Variants in KLHL4 observed in about 807,000 individuals in gnomAD.
KLHL4 encodes kelch like family member 4.
In KLHL4, 17 loss-of-function variants were observed where a neutral mutation model predicts 45.8. That is an observed-to-expected ratio of 0.37 (90% CI 0.25 to 0.56). The LOEUF is 0.56. Among genes scored for constraint, KLHL4 ranks in the 20% least tolerant of loss-of-function variants. KLHL4 has a pLI of 0.79. For synonymous variants in KLHL4, 224 were observed against 189.9 expected (o/e 1.18, Z -1.47); for missense variants, 544 against 544.9 (o/e 1.00, Z 0.02).
At chrX:87,557,145 A>G (rs1383467538) in intron 1 of KLHL4, among the ~76,000 whole-genome samples, 1 of 112,313 alleles carries the variant, frequency 8.9e-6, no homozygotes, top group African/African-American at 3.2e-5. Context: ...GTGACTGAAA[A>G]GCAGCAATTC....
chrX:87,583,379 G>A (rs766212597), intron 1 of KLHL4, among the ~76,000 whole-genome samples: 6 of 112,179 alleles, frequency 5.3e-5, no homozygotes, highest in Admixed American at 3.7e-4. Flanking sequence ...AGGCCACGTA[G>A]CACAGCTTGC....
chrX:87,530,942 G>C (rs1304816809), intron 1 of KLHL4, among the ~76,000 whole-genome samples: 1 of 110,810 alleles, frequency 9.0e-6, no homozygotes, highest in East Asian at 2.9e-4. Flanking sequence ...GTTGTTTCCT[G>C]ACTTTTTAAT....
At position 87,635,790 on chromosome X, in the gene KLHL4, T is replaced by C; in HGVS notation, c.1925+15T>C. 9.2e-7 allele frequency: 1 copy of C among 1,085,555 alleles called. No homozygotes were observed. The highest frequency in any genetic ancestry group is 1.2e-6 in the Non-Finnish European group (1 of 808,987). The allele number at this position is 1,085,555 out of a possible 1,213,427, so 89.5% of individuals were successfully genotyped here. A position where few individuals can be genotyped will look rare whatever the true frequency, so the allele number is the denominator to read the frequency against. On this transcript the variant is annotated intron_variant, in intron 9 of 10. Transcript: ENST00000373119. ...TGTGTGGAACGGTAAGTTTTTTCTA[T>C]TTCCTTCTGTATGTAATTATTTGGT...
rs1166888537 is a variant in KLHL4 at position 87,655,292 on chromosome X, G to A, written c.1926-9472G>A. Among the ~76,000 whole-genome samples, 3 of 111,832 alleles carry A rather than the reference G, an allele frequency of 2.7e-5. No homozygotes were observed. The East Asian group carries it at 8.4e-4, about 31-fold the overall frequency. On this transcript the variant is annotated intron_variant, in intron 9 of 10. Transcript: ENST00000373119. ...TGCCTAGTGCTGTCAGTGGGATGTT[G>A]AAGTACCCCACTATTATTGCATTGC...
chrX:87,538,675 C>T (rs1374654671), intron 1 of KLHL4, among the ~76,000 whole-genome samples: 1 of 111,220 alleles, frequency 9.0e-6, no homozygotes, highest in Non-Finnish European at 1.9e-5. Flanking sequence ...GTGGCAAGAT[C>T]TAAAGAAAAG....
At chrX:87,581,052 C>T (rs1921260185) in intron 1 of KLHL4, among the ~76,000 whole-genome samples, 1 of 112,311 alleles carries the variant, frequency 8.9e-6, no homozygotes, top group African/African-American at 3.2e-5. Context: ...CCCAAGCTGA[C>T]AGGGTCACAG....
At position 87,532,673 on chromosome X, in the gene KLHL4, G is replaced by A. The variant is rs1931322716; in HGVS notation, c.422+14358G>A. 2.9e-5 allele frequency among the ~76,000 whole-genome samples: 3 copies of A among 104,290 alleles called. No homozygotes were observed. The South Asian group carries it at 1.4e-3, about 49-fold the overall frequency. 90.6% of individuals were successfully genotyped at this position (104,290 alleles called of 115,157 possible). A position where few individuals can be genotyped will look rare whatever the true frequency, so the allele number is the denominator to read the frequency against. On this transcript the variant is annotated intron_variant, in intron 1 of 10. Coordinates refer to ENST00000373119, the MANE Select transcript of KLHL4 (RefSeq NM_019117.5). ...ACATCCCTTGTAAGTTGGATTCCTA[G>A]GTATTTTATTCTCTTTGAAGCAATT...
chrX:87,536,610 A>T (rs749043765), intron 1 of KLHL4, among the ~76,000 whole-genome samples: 20 of 107,916 alleles, frequency 1.9e-4, no homozygotes, highest in Non-Finnish European at 3.1e-4. Context: ...GAAATAGCTG[A>T]TACTGCTGCC....
rs1924414968 is a variant in KLHL4 at position 87,667,592 on chromosome X, A to AT, written c.*1058_*1059insT. The stretch of plus-strand genomic sequence containing the variant: ...AAATGTTAGGATATGTGTGCTATAT[A>AT]AAAAAAAAAAAAGACTTGTTAAGTT... On this transcript the variant is annotated 3_prime_UTR_variant, in exon 11 of 11. Transcript: ENST00000373119. The AT allele has an allele frequency of 5.4e-6, 1 of 185,687 alleles. No homozygotes were observed. The highest frequency in any genetic ancestry group is 7.1e-6 in the Non-Finnish European group (1 of 141,006). 15.3% of individuals were successfully genotyped at this position (185,687 alleles called of 1,213,427 possible).
At chrX:87,588,969 G>A (rs1206566250) in intron 1 of KLHL4, among the ~76,000 whole-genome samples, 1 of 111,521 alleles carries the variant, frequency 9.0e-6, no homozygotes, top group Non-Finnish European at 1.9e-5. Flanking sequence ...AGATTAATAA[G>A]TAGAATTTAT....
intron 6 of KLHL4, among the ~76,000 whole-genome samples, chrX:87,628,043 CTT>C (rs1922987140): frequency 9.0e-6 from 1 of 111,471 alleles, no homozygotes; most frequent in Non-Finnish European, 1.9e-5. Flanking sequence ...GCATGAGACA[CTT>C]TGAATTCCTG....
chrX:87,527,560 C>T (rs1031539120), intron 1 of KLHL4, among the ~76,000 whole-genome samples: 4 of 111,092 alleles, frequency 3.6e-5, no homozygotes, highest in African/African-American at 9.8e-5. Context: ...TTCCCACACC[C>T]GCACATATAT....
intron 1 of KLHL4, among the ~76,000 whole-genome samples, chrX:87,523,856 G>A (rs1053817427): frequency 9.0e-6 from 1 of 110,724 alleles, no homozygotes; most frequent in Non-Finnish European, 1.9e-5. Flanking sequence ...CCAGCTACTC[G>A]GGAGGCTGAG....
intron 1 of KLHL4, among the ~76,000 whole-genome samples, chrX:87,575,862 G>T (rs1921086136): frequency 9.0e-6 from 1 of 111,167 alleles, no homozygotes; most frequent in South Asian, 3.8e-4. Flanking sequence ...AAAAATGAGG[G>T]GCTAAAAAGC....
chrX:87,539,547 C>T (rs1333963836), intron 1 of KLHL4, among the ~76,000 whole-genome samples: 3 of 110,041 alleles, frequency 2.7e-5, no homozygotes, highest in African/African-American at 9.9e-5. Flanking sequence ...TTTTTTATAA[C>T]TTGCTATTTC....
At position 87,643,095 on chromosome X, in the gene KLHL4, T is replaced by C. The variant is rs146978258; in HGVS notation, c.1925+7320T>C. On this transcript the variant is annotated intron_variant, in intron 9 of 10. Transcript: ENST00000373119. ...AAGATCAGAGCAGAACTAAATGAAA[T>C]TGAAACCAAAAAAATACAAAAGATA... 2.3e-3 allele frequency among the ~76,000 whole-genome samples: 253 copies of C among 110,852 alleles called. 1 individual carries two copies. Among genetic ancestry groups the C allele is most frequent in the Non-Finnish European group, 4.0e-3 (209 of 52,847 alleles).
At chrX:87,578,601 A>G (rs972844864) in intron 1 of KLHL4, among the ~76,000 whole-genome samples, 2 of 112,532 alleles carry the variant, frequency 1.8e-5, no homozygotes, top group Admixed American at 9.4e-5. Context: ...ATTGAAATGA[A>G]TAAGAAAAGC....
At chrX:87,538,597 A>G (rs756589422) in intron 1 of KLHL4, among the ~76,000 whole-genome samples, 2 of 111,763 alleles carry the variant, frequency 1.8e-5, no homozygotes, top group African/African-American at 6.5e-5. Context: ...ACCAATCACC[A>G]TGGGAAATCC....
At chrX:87,579,457 A>C (rs1921204870) in intron 1 of KLHL4, among the ~76,000 whole-genome samples, 1 of 111,445 alleles carries the variant, frequency 9.0e-6, no homozygotes, top group Non-Finnish European at 1.9e-5. Context: ...GTGGCCAAAA[A>C]TTTGCCAAAT....
Sources: allele counts gnomAD v4.1 joint callset (sites outside exome capture counted in the v4.1 genomes callset), GRCh38; gene constraint gnomAD v4.1.1; transcripts MANE v1.5; gene names NCBI Gene and HGNC (gene_info 2026-07-23, HGNC 2026-07-21).